The following BAIAP2L1 variants were observed in gnomAD, a reference collection of about 807,000 sequenced individuals.
BAIAP2L1 encodes BAR/IMD domain containing adaptor protein 2 like 1, also known as BAR/IMD domain-containing adapter protein 2-like 1.
BAIAP2L1 carries 35 observed loss-of-function variants against 66.3 expected under a neutral mutation model. The observed-to-expected ratio is 0.53, with a 90% CI of 0.40 to 0.70. The LOEUF (loss-of-function observed/expected upper bound fraction) is 0.70. BAIAP2L1 is among the 30% of genes least tolerant of loss of function. BAIAP2L1 has a pLI of 0.00. For synonymous variants in BAIAP2L1, 269 were observed against 248.7 expected (o/e 1.08, Z -0.77); for missense variants, 622 against 656.9 (o/e 0.95, Z 0.58).
chr7:98,361,355 TG>T (rs1244633147), intron 2 of BAIAP2L1, among the ~76,000 whole-genome samples: 1 of 147,844 alleles, frequency 6.8e-6, no homozygotes, highest in African/African-American at 2.5e-5. Flanking sequence ...AGACTCTGTC[TG>T]GGAAAAAAAA....
At position 98,307,794 on chromosome 7, in the gene BAIAP2L1, C is replaced by T. The variant is rs1317978876; in HGVS notation, c.1058G>A (p.Gly353Asp). The change falls in exon 10 of 14, where the codon GGC (glycine) becomes GAC (aspartate). Residue 353 changes from glycine (G) to aspartate (D), a missense_variant. Gly to Asp is a moderately conservative substitution (Grantham distance 94, BLOSUM62 -1). Coordinates refer to ENST00000005260, the MANE Select transcript of BAIAP2L1 (RefSeq NM_018842.5). ...AAAGCTGAGTAAGGTCTTGTTGGAGCCCGCAGTGTGCGGGAAGATGGTCTT... is the reference window on the plus strand; with the variant it reads ...AAAGCTGAGTAAGGTCTTGTTGGAGTCCGCAGTGTGCGGGAAGATGGTCTT... ...KVKTIFPHTA[G>D]SNKTLLSFAQ... 2 of 1,614,250 alleles carry T rather than the reference C, an allele frequency of 1.2e-6. No homozygotes were observed. Among genetic ancestry groups the T allele is most frequent in the Admixed American group, 1.7e-5 (1 of 60,024 alleles).
Position 98,392,982 on chromosome 7 carries a change from T to A in BAIAP2L1, c.51+7820A>T, listed in dbSNP as rs1028697752. ...TGATTTTTATTTATATATATAGATA[T>A]ATATATGTAATTTTTGTAATTTTTG... On this transcript the variant is annotated intron_variant, in intron 1 of 13. Coordinates refer to ENST00000005260, the MANE Select transcript of BAIAP2L1 (RefSeq NM_018842.5). 2.7e-5 allele frequency among the ~76,000 whole-genome samples: 4 copies of A among 150,366 alleles called. No homozygotes were observed. In the East Asian group the frequency reaches 7.8e-4, roughly 29 times the overall value.
chr7:98,339,607 C>T (rs148743544), intron 3 of BAIAP2L1, among the ~76,000 whole-genome samples: 193 of 152,338 alleles, frequency 1.3e-3, no homozygotes, highest in African/African-American at 3.5e-3. Flanking sequence ...AGGCCTCACT[C>T]GCTTCATGAT....
intron 3 of BAIAP2L1, among the ~76,000 whole-genome samples, 184 bp downstream of exon 3, chr7:98,354,858 C>T (rs1205774402): frequency 1.3e-5 from 2 of 152,156 alleles, no homozygotes; most frequent in African/African-American, 4.8e-5. Context: ...CTCCACTCGC[C>T]CTCCGGCACC....
chr7:98,369,205 T>C (rs1047923248), intron 1 of BAIAP2L1, among the ~76,000 whole-genome samples: 2 of 152,150 alleles, frequency 1.3e-5, no homozygotes, highest in Non-Finnish European at 2.9e-5. Flanking sequence ...TTACAGGCCA[T>C]GCGTGGTGAC....
chr7:98,399,118 A>T (rs1803288669), intron 1 of BAIAP2L1, among the ~76,000 whole-genome samples: 1 of 152,224 alleles, frequency 6.6e-6, no homozygotes, highest in Non-Finnish European at 1.5e-5. Context: ...CGGGTCATTT[A>T]AATAGTAGCA....
chr7:98,353,380 TTATG>T (rs1226913060), intron 3 of BAIAP2L1, among the ~76,000 whole-genome samples: 1 of 138,098 alleles, frequency 7.2e-6, no homozygotes, highest in Non-Finnish European at 1.5e-5. Flanking sequence ...TATATTTATA[TTATG>T]TATATTATAA....
At chr7:98,343,248 T>TAC (rs57033582) in intron 3 of BAIAP2L1, among the ~76,000 whole-genome samples, 11,170 of 128,442 alleles carry the variant, frequency 0.087, 555 homozygotes, top group East Asian at 0.14. Context: ...AAAAAAAAAA[T>TAC]ACACACACAC....
intron 1 of BAIAP2L1, among the ~76,000 whole-genome samples, chr7:98,372,429 TTCTC>T (rs892084284): frequency 6.6e-5 from 10 of 151,788 alleles, no homozygotes; most frequent in Non-Finnish European, 1.0e-4. Flanking sequence ...AAAACAAAAA[TTCTC>T]TATATGAACA....
intron 3 of BAIAP2L1, among the ~76,000 whole-genome samples, chr7:98,330,526 G>A (rs922966602): frequency 1.3e-4 from 20 of 151,992 alleles, no homozygotes; most frequent in African/African-American, 2.4e-4. Context: ...GCGTGGTGGC[G>A]CACGCCTGTA....
At chr7:98,308,042 C>T in intron 9 of BAIAP2L1, 146 bp from the exon 10 acceptor site, 1 of 802,530 alleles carries the variant, frequency 1.2e-6, no homozygotes, top group Non-Finnish European at 2.1e-6. Flanking sequence ...TATTTCCTCG[C>T]TTTGATCATT....
At chr7:98,329,456 T>C (rs1801445491) in intron 3 of BAIAP2L1, among the ~76,000 whole-genome samples, 1 of 152,068 alleles carries the variant, frequency 6.6e-6, no homozygotes, top group Non-Finnish European at 1.5e-5. Context: ...CCCCACACTT[T>C]CATGAGTTTT....
intron 1 of BAIAP2L1, chr7:98,400,237 A>AGGGTC (rs1803324456): frequency 8.3e-6 from 1 of 119,922 alleles, no homozygotes; most frequent in Non-Finnish European, 1.7e-5. Context: ...CAGAGCTCTG[A>AGGGTC]GGGTCAGGGA....
At chr7:98,377,376 A>C (rs1802657574) in intron 1 of BAIAP2L1, among the ~76,000 whole-genome samples, 1 of 152,166 alleles carries the variant, frequency 6.6e-6, no homozygotes, top group Admixed American at 6.6e-5. Flanking sequence ...ATTTTGTTAG[A>C]TACTCCCAAA....
At position 98,345,887 on chromosome 7, in the gene BAIAP2L1, G is replaced by A. The variant is rs563502987; in HGVS notation, c.214+9155C>T. On this transcript the variant is annotated intron_variant, in intron 3 of 13. Coordinates refer to ENST00000005260, the MANE Select transcript of BAIAP2L1 (RefSeq NM_018842.5). The stretch of plus-strand genomic sequence containing the variant: ...GAGAGCCCACTTCACACTACAGGAT[G>A]TGTAAAATCATTTATAGGATGGCTA... Among the ~76,000 whole-genome samples the A allele has an allele frequency of 2.6e-5, 4 of 151,800 alleles. No homozygotes were observed. In the East Asian group the frequency reaches 7.7e-4, roughly 29 times the overall value.
chr7:98,361,309 A>G (rs1802266013), intron 2 of BAIAP2L1, among the ~76,000 whole-genome samples: 1 of 151,816 alleles, frequency 6.6e-6, no homozygotes, highest in South Asian at 2.1e-4. Flanking sequence ...GTGAGCCGAG[A>G]TTGTTCCACT....
intron 11 of BAIAP2L1, among the ~76,000 whole-genome samples, chr7:98,305,891 C>A (rs936882802): frequency 3.3e-5 from 5 of 151,986 alleles, no homozygotes; most frequent in African/African-American, 1.2e-4. Context: ...TCAGCAAAGC[C>A]CATCAGTGTA....
chr7:98,385,369 TA>T (rs569509255), intron 1 of BAIAP2L1, among the ~76,000 whole-genome samples: 2 of 152,252 alleles, frequency 1.3e-5, no homozygotes, highest in South Asian at 4.1e-4. Context: ...CCAAATGATT[TA>T]AAAACAGTTT....
At position 98,315,621 on chromosome 7, in the gene BAIAP2L1, A is replaced by ATGAT; in HGVS notation, c.487-10_487-9insATCA. 8.1e-7 allele frequency: 1 copy of ATGAT among 1,235,866 alleles called. No homozygotes were observed. The allele number at this position is 1,235,866 out of a possible 1,614,324, so 76.6% of individuals were successfully genotyped here. A position where few individuals can be genotyped will look rare whatever the true frequency, so the allele number is the denominator to read the frequency against. ...GTAACGGTCTCCACATACTAAAAAAAAAAAAATAATAATAATAATAATTAT... is the reference window on the plus strand; with the variant it reads ...GTAACGGTCTCCACATACTAAAAAAATGATAAAAAATAATAATAATAATAATTAT... On this transcript the variant is annotated splice_polypyrimidine_tract_variant and intron_variant, in intron 6 of 13. Coordinates refer to ENST00000005260, the MANE Select transcript of BAIAP2L1 (RefSeq NM_018842.5).
Sources: allele counts gnomAD v4.1 joint callset (sites outside exome capture counted in the v4.1 genomes callset), GRCh38; gene constraint gnomAD v4.1.1; transcripts MANE v1.5; gene names NCBI Gene and HGNC (gene_info 2026-07-23, HGNC 2026-07-21).